Variants in SLCO2A1 observed in about 807,000 individuals in gnomAD.
The protein encoded by SLCO2A1 is solute carrier organic anion transporter family member 2A1.
Under a neutral mutation model 71.7 loss-of-function variants are expected in SLCO2A1, and 60 were observed. That is an observed-to-expected ratio of 0.84 (90% CI 0.68 to 1.04). The LOEUF (loss-of-function observed/expected upper bound fraction) is 1.04. SLCO2A1 is among the 50% of genes least tolerant of loss of function. The pLI is 0.00. For synonymous variants in SLCO2A1, 308 were observed against 326.7 expected (o/e 0.94, Z 0.62); for missense variants, 745 against 813.4 (o/e 0.92, Z 1.02).
intron 1 of SLCO2A1, among the ~76,000 whole-genome samples, chr3:133,999,158 G>A (rs775622000): frequency 1.8e-4 from 27 of 152,164 alleles, no homozygotes; most frequent in Admixed American, 5.9e-4. Context: ...TCACACCTGT[G>A]ATTCCAGGCC....
intron 1 of SLCO2A1, among the ~76,000 whole-genome samples, chr3:134,023,517 G>A (rs1441586933): frequency 1.3e-5 from 2 of 152,156 alleles, no homozygotes. Context: ...AAAGACCCCA[G>A]TGCCAACCAG....
chr3:133,957,939 G>C (rs1933935889), intron 3 of SLCO2A1, among the ~76,000 whole-genome samples: 1 of 152,218 alleles, frequency 6.6e-6, no homozygotes, highest in Admixed American at 6.5e-5. Context: ...CCAAGCATGA[G>C]AAGTCAGACC....
At chr3:133,969,549 G>A (rs1934278947) in intron 3 of SLCO2A1, among the ~76,000 whole-genome samples, 1 of 150,808 alleles carries the variant, frequency 6.6e-6, no homozygotes, top group Admixed American at 6.6e-5. Context: ...ATAATGCCCG[G>A]CTAACTTTTT....
At chr3:134,023,121 A>AAAACAAAC (rs143225028) in intron 1 of SLCO2A1, among the ~76,000 whole-genome samples, 37 of 38,424 alleles carry the variant, frequency 9.6e-4, no homozygotes, top group African/African-American at 1.5e-3. Flanking sequence ...TTCATACAGC[A>AAAACAAAC]AAACAAACAA....
At chr3:133,999,925 A>G (rs1011891077) in intron 1 of SLCO2A1, among the ~76,000 whole-genome samples, 1 of 152,206 alleles carries the variant, frequency 6.6e-6, no homozygotes, top group African/African-American at 2.4e-5. Context: ...AATGCATGTC[A>G]AACACTTTAG....
At chr3:133,978,090 A>G (rs1384382369) in intron 2 of SLCO2A1, among the ~76,000 whole-genome samples, 1 of 152,188 alleles carries the variant, frequency 6.6e-6, no homozygotes, top group Non-Finnish European at 1.5e-5. Flanking sequence ...ATGTGCATGC[A>G]TGTCATATAT....
At chr3:134,004,753 G>A (rs144997385) in intron 1 of SLCO2A1, among the ~76,000 whole-genome samples, 1 of 152,338 alleles carries the variant, frequency 6.6e-6, no homozygotes, top group African/African-American at 2.4e-5. Context: ...GCCAAGGAAT[G>A]TGGGTGACTC....
At chr3:133,980,785 TCAGA>T (rs1934570708) in intron 1 of SLCO2A1, among the ~76,000 whole-genome samples, 1 of 152,210 alleles carries the variant, frequency 6.6e-6, no homozygotes, top group African/African-American at 2.4e-5. Context: ...GCTTGGGATG[TCAGA>T]CAGAGCCCAG....
intron 1 of SLCO2A1, among the ~76,000 whole-genome samples, chr3:134,011,049 G>A (rs908144043): frequency 6.6e-6 from 1 of 151,968 alleles, no homozygotes; most frequent in African/African-American, 2.4e-5. Flanking sequence ...TTTTTTGTTT[G>A]TTTGTTTTTT....
rs937478249 is a variant in SLCO2A1 at position 133,934,516 on chromosome 3, G to A, written c.*197C>T. On this transcript the variant is annotated 3_prime_UTR_variant, in exon 14 of 14. Coordinates refer to ENST00000310926, the MANE Select transcript of SLCO2A1 (RefSeq NM_005630.3). ...CAGCCCCCCAGTTCTGGCCCACACA[G>A]CCCGGGTACACAGTGGCCCTTAGGA... The A allele has an allele frequency of 2.2e-5, 11 of 508,924 alleles. No homozygotes were observed. The highest frequency in any genetic ancestry group is 2.1e-4 in the African/African-American group (11 of 51,446). 31.5% of individuals were successfully genotyped at this position (508,924 alleles called of 1,614,324 possible).
At chr3:133,964,105 T>G (rs1934109758) in intron 3 of SLCO2A1, among the ~76,000 whole-genome samples, 1 of 152,198 alleles carries the variant, frequency 6.6e-6, no homozygotes, top group Non-Finnish European at 1.5e-5. Flanking sequence ...CTCAGTTTCA[T>G]CTTGGAAAAC....
chr3:134,007,282 C>G (rs1383996894), intron 1 of SLCO2A1, among the ~76,000 whole-genome samples: 1 of 152,156 alleles, frequency 6.6e-6, no homozygotes, highest in African/African-American at 2.4e-5. Context: ...TTCTCATTCT[C>G]TTGATTGTGT....
chr3:133,948,828 T>TC, intron 7 of SLCO2A1, 65 bp downstream of exon 7: 4 of 1,587,020 alleles, frequency 2.5e-6, no homozygotes, highest in Non-Finnish European at 3.5e-6. Context: ...GGGGCTGGGG[T>TC]CCCCCTGGCC....
At position 133,945,125 on chromosome 3, in the gene SLCO2A1, G is replaced by A; in HGVS notation, c.1431C>T (p.Ile477=). ...GCTTGGAGGTTGCAGAGCTCATGTT[G>A]ATGTTGCTGCAGCCGGCATGGCAAG... is the stretch of plus-strand genomic sequence containing the variant. The part of the protein sequence containing the change: ...LSPCHAGCSN[I]NMSSATSKQL... The change falls in exon 10 of 14, where the codon ATC becomes ATT. Residue 477 remains isoleucine (I), a synonymous_variant. Coordinates refer to ENST00000310926, the MANE Select transcript of SLCO2A1 (RefSeq NM_005630.3). 1 of 1,613,916 alleles carries A rather than the reference G, an allele frequency of 6.2e-7. No homozygotes were observed. Among genetic ancestry groups the A allele is most frequent in the Non-Finnish European group, 8.5e-7 (1 of 1,179,852 alleles).
intron 6 of SLCO2A1, among the ~76,000 whole-genome samples, chr3:133,950,793 T>G (rs1255250342): frequency 6.6e-6 from 1 of 152,216 alleles, no homozygotes; most frequent in Non-Finnish European, 1.5e-5. Context: ...CCCTCAACAC[T>G]GTTCAATGCT....
At chr3:133,972,974 T>A (rs1934361913) in intron 3 of SLCO2A1, among the ~76,000 whole-genome samples, 4 of 152,214 alleles carry the variant, frequency 2.6e-5, no homozygotes, top group Admixed American at 2.6e-4. Flanking sequence ...AACCACTCAC[T>A]TATTTATAAA....
intron 3 of SLCO2A1, among the ~76,000 whole-genome samples, chr3:133,965,387 A>G (rs529983995): frequency 1.3e-5 from 2 of 152,338 alleles, no homozygotes; most frequent in African/African-American, 2.4e-5. Flanking sequence ...GTCACCCAGA[A>G]AGAAGCTGCT....
chr3:133,947,360 A>G lies in SLCO2A1; in HGVS notation c.1191T>C (p.Ile397=). Residue 397 remains isoleucine, a synonymous_variant, in exon 9 of 14, where the codon ATT becomes ATC. Coordinates refer to ENST00000310926, the MANE Select transcript of SLCO2A1 (RefSeq NM_005630.3). ...MKRFVFSLQA[I]PRIATTIITI... ...TGATGATGGTGGTAGCTATGCGGGG[A>G]ATGGCTTGTAGAGAGAAAACAAAGC... 1 of 1,614,104 alleles carries G rather than the reference A, an allele frequency of 6.2e-7. No homozygotes were observed. Among genetic ancestry groups the G allele is most frequent in the Non-Finnish European group, 8.5e-7 (1 of 1,180,016 alleles).
intron 5 of SLCO2A1, among the ~76,000 whole-genome samples, 159 bp downstream of exon 5, chr3:133,953,504 C>A (rs897214232): frequency 7.2e-5 from 11 of 152,220 alleles, no homozygotes; most frequent in African/African-American, 2.7e-4. Flanking sequence ...ACTGTCTGCT[C>A]CTGGCTCTCC....
Sources: allele counts gnomAD v4.1 joint callset (sites outside exome capture counted in the v4.1 genomes callset), GRCh38; gene constraint gnomAD v4.1.1; transcripts MANE v1.5; gene names NCBI Gene and HGNC (gene_info 2026-07-23, HGNC 2026-07-21).